DOCK3: variants seen among roughly 807,000 people sequenced by gnomAD.
DOCK3 encodes the protein dedicator of cytokinesis 3.
In DOCK3, 60 loss-of-function variants were observed where a neutral mutation model predicts 265.6. The ratio of observed to expected loss-of-function variants is 0.23; its 90% CI spans 0.18 to 0.28. DOCK3 has a LOEUF of 0.28. Among genes scored for constraint, DOCK3 ranks in the 10% least tolerant of loss-of-function variants. DOCK3 has a pLI of 1.00. For synonymous variants in DOCK3, 881 were observed against 938.0 expected, an observed-to-expected ratio of 0.94 and a Z score of 1.11; for missense variants, 1,981 against 2,594.3, an observed-to-expected ratio of 0.76 and a Z score of 5.14.
Position 51,225,394 on chromosome 3 carries a change from A to G in DOCK3, c.1253-255A>G, listed in dbSNP as rs976186020. Among the ~76,000 whole-genome samples, 5 of 152,336 alleles carry G rather than the reference A, an allele frequency of 3.3e-5. 1 individual carries two copies. Among genetic ancestry groups the G allele is most frequent in the Admixed American group, 3.3e-4 (5 of 15,306 alleles). On this transcript the variant is annotated intron_variant, in intron 14 of 52. Transcript: ENST00000266037. The stretch of plus-strand genomic sequence containing the variant: ...GAAAGACTGAGCAGTCTGAGCATCT[A>G]CAATCTGAAAGATTCTCCACCCTTG...
At chr3:50,764,776 C>A (rs1048063007) in intron 1 of DOCK3, among the ~76,000 whole-genome samples, 1 of 152,040 alleles carries the variant, frequency 6.6e-6, no homozygotes, top group South Asian at 2.1e-4. Flanking sequence ...GACGAGACCC[C>A]ATCTCTTAAA....
intron 21 of DOCK3, among the ~76,000 whole-genome samples, chr3:51,245,623 C>T (rs1576517812): frequency 1.3e-5 from 2 of 152,016 alleles, no homozygotes; most frequent in East Asian, 3.9e-4. Flanking sequence ...AAACTCCTGA[C>T]CTCGTGATCC....
chr3:51,106,254 G>A (rs1308813465), intron 9 of DOCK3, among the ~76,000 whole-genome samples: 1 of 152,226 alleles, frequency 6.6e-6, no homozygotes, highest in African/African-American at 2.4e-5. Context: ...GCCTGGCTGT[G>A]CCTGCATCAG....
intron 33 of DOCK3, among the ~76,000 whole-genome samples, chr3:51,331,158 T>C (rs368049862): frequency 1.3e-5 from 2 of 152,278 alleles, no homozygotes; most frequent in South Asian, 4.1e-4. Context: ...AGTTGCATGA[T>C]CAGTAAGAGG....
intron 5 of DOCK3, among the ~76,000 whole-genome samples, chr3:50,935,888 G>A (rs2051332490): frequency 6.6e-6 from 1 of 152,170 alleles, no homozygotes; most frequent in African/African-American, 2.4e-5. Context: ...AGGAACCGGA[G>A]TGTCATAGTA....
chr3:51,357,725 A>C (rs1486926362), intron 44 of DOCK3, 33 bp from the exon 45 acceptor site: 8 of 1,610,684 alleles, frequency 5.0e-6, no homozygotes, highest in Non-Finnish European at 6.8e-6. Context: ...AGTCCTGGGA[A>C]GAGTCTTCCT....
intron 28 of DOCK3, among the ~76,000 whole-genome samples, chr3:51,310,619 A>C (rs906408086): frequency 6.6e-6 from 1 of 152,212 alleles, no homozygotes; most frequent in African/African-American, 2.4e-5. Flanking sequence ...TTTGGGCATT[A>C]TCCCAAGCCT....
chr3:50,799,964 T>G (rs376069226), intron 2 of DOCK3, among the ~76,000 whole-genome samples: 1 of 152,224 alleles, frequency 6.6e-6, no homozygotes, highest in East Asian at 1.9e-4. Context: ...GTTACGGTTT[T>G]TGTCCTTCAT....
In DOCK3 at chr3:51,338,262, G is replaced by C. The variant is rs1428971863; in HGVS notation, c.3612-97G>C. The C allele has an allele frequency of 8.8e-6, 12 of 1,363,746 alleles. No homozygotes were observed. In the African/African-American group the frequency reaches 1.6e-4, roughly 18 times the overall value. 84.5% of individuals were successfully genotyped at this position (1,363,746 alleles called of 1,614,324 possible). A position where few individuals can be genotyped will look rare whatever the true frequency, so the allele number is the denominator to read the frequency against. ...CCTGTTGGAGGCCATCTCAATCTGG[G>C]ATTTGGTCATACTAATGCCCCAGTG... On this transcript the variant is annotated intron_variant, in intron 35 of 52. Coordinates refer to ENST00000266037, the MANE Select transcript of DOCK3 (RefSeq NM_004947.5).
At chr3:51,046,368 CAT>C (rs2080777543) in intron 5 of DOCK3, among the ~76,000 whole-genome samples, 2 of 152,032 alleles carry the variant, frequency 1.3e-5, no homozygotes, top group African/African-American at 4.8e-5. Flanking sequence ...TTAGGAGACA[CAT>C]AGGCTAAAAG....
intron 1 of DOCK3, among the ~76,000 whole-genome samples, chr3:50,692,528 T>G (rs1225080479): frequency 1.3e-5 from 2 of 152,228 alleles, no homozygotes; most frequent in Non-Finnish European, 2.9e-5. Flanking sequence ...CACCCACTGC[T>G]CACCTTGTGC....
At chr3:50,733,771 AACT>A (rs2038379647) in intron 1 of DOCK3, among the ~76,000 whole-genome samples, 1 of 121,956 alleles carries the variant, frequency 8.2e-6, no homozygotes, top group Non-Finnish European at 1.7e-5. Flanking sequence ...ATTTTTTTTT[AACT>A]GTTTTGTTGT....
chr3:50,970,285 C>T (rs2077160495), intron 5 of DOCK3, among the ~76,000 whole-genome samples: 1 of 152,106 alleles, frequency 6.6e-6, no homozygotes, highest in Non-Finnish European at 1.5e-5. Context: ...GTCTGTCTTG[C>T]AGTATATCTT....
At chr3:51,179,065 T>C (rs112762378) in intron 12 of DOCK3, among the ~76,000 whole-genome samples, 2,041 of 152,316 alleles carry the variant, frequency 0.013, 53 homozygotes, top group African/African-American at 0.045. Context: ...GAGAGTAGTA[T>C]TGATGTCAGG....
chr3:51,044,693 A>G lies in DOCK3; in HGVS notation c.316-19755A>G, dbSNP rs150786493. 8.6e-5 allele frequency among the ~76,000 whole-genome samples: 13 copies of G among 152,040 alleles called. No homozygotes were observed. In the East Asian group the frequency reaches 2.3e-3, roughly 27 times the overall value. On this transcript the variant is annotated intron_variant, in intron 5 of 52. Transcript: ENST00000266037. ...TCTGTTGTTTCCTGTACCCATGTTC[A>G]TCAGTGATCTTAGCTAGATCTTCTG... is the stretch of plus-strand genomic sequence containing the variant.
intron 2 of DOCK3, among the ~76,000 whole-genome samples, chr3:50,783,523 C>G (rs2042032216): frequency 6.6e-6 from 1 of 152,050 alleles, no homozygotes; most frequent in African/African-American, 2.4e-5. Context: ...TATTCATGTC[C>G]TTAGCCCATT....
At chr3:50,973,131 CTT>C (rs547640519) in intron 5 of DOCK3, among the ~76,000 whole-genome samples, 1 of 54,520 alleles carries the variant, frequency 1.8e-5, no homozygotes, top group Non-Finnish European at 3.7e-5. Flanking sequence ...TTGTAGTTTT[CTT>C]TTTTTTTTTC....
Position 50,711,410 on chromosome 3 carries a change from C to T in DOCK3, c.37+36110C>T, listed in dbSNP as rs771815207. Among the ~76,000 whole-genome samples the T allele has an allele frequency of 7.2e-5, 11 of 151,822 alleles. No individual in the cohort carries two copies. In the East Asian group the frequency reaches 1.9e-3, roughly 27 times the overall value. On this transcript the variant is annotated intron_variant, in intron 1 of 52. Coordinates refer to ENST00000266037, the MANE Select transcript of DOCK3 (RefSeq NM_004947.5). ...CCGAGTAGCTGGGACTACAGGTGCC[C>T]GCCACCACGCCTGGCTAATTTTTTG...
At chr3:50,903,260 G>A (rs1477620371) in intron 4 of DOCK3, among the ~76,000 whole-genome samples, 3 of 152,232 alleles carry the variant, frequency 2.0e-5, no homozygotes, top group Middle Eastern at 3.4e-3. Flanking sequence ...CACAGGTAAT[G>A]CTTCCAGCTT....
Sources: gnomAD v4.1 joint callset for allele counts (sites outside exome capture counted in the v4.1 genomes callset) on GRCh38, gnomAD v4.1.1 for gene constraint, MANE v1.5 for transcripts, NCBI Gene and HGNC (gene_info 2026-07-23, HGNC 2026-07-21) for gene names.